CCDC34: variants seen among roughly 807,000 people sequenced by gnomAD.
The protein encoded by CCDC34 is coiled-coil domain-containing protein 34.
CCDC34 carries 40 observed loss-of-function variants against 44.1 expected under a neutral mutation model. The observed-to-expected ratio is 0.91, with a 90% CI of 0.70 to 1.18. CCDC34 has a LOEUF of 1.18. Ranked by LOEUF, CCDC34 falls within the 50% of genes most tolerant of loss-of-function variation. CCDC34 has a pLI of 0.00. For missense variants in CCDC34, 466 were observed against 452.3 expected (o/e 1.03, Z -0.28); for synonymous variants, 159 against 158.2 (o/e 1.01, Z -0.04).
Position 27,363,120 on chromosome 11 carries a change from C to G in CCDC34, c.75G>C (p.Arg25Ser). 1.9e-6 allele frequency: 3 copies of G among 1,579,108 alleles called. No individual in the cohort carries two copies. Among genetic ancestry groups the G allele is most frequent in the Non-Finnish European group, 2.6e-6 (3 of 1,162,584 alleles). The change falls in exon 1 of 6, where the codon AGG (arginine) becomes AGC (serine). Residue 25 changes from arginine to serine, a missense_variant. By Grantham distance (110) the Arg-to-Ser change is moderately radical. Transcript: ENST00000328697. ...YAGFSADCRPRSRPSSDSCSV... is the reference protein window; with the variant it reads ...YAGFSADCRPSSRPSSDSCSV... ...AGCAGGAGTCCGAGGAGGGCCGAGACCTGGGTCTGCAGTCAGCAGAGAAAC... is the reference window on the plus strand; with the variant it reads ...AGCAGGAGTCCGAGGAGGGCCGAGAGCTGGGTCTGCAGTCAGCAGAGAAAC...
intron 3 of CCDC34, chr11:27,349,944 C>T: frequency 1.9e-6 from 2 of 1,064,128 alleles, no homozygotes; most frequent in Non-Finnish European, 1.1e-6. Flanking sequence ...CTAATTAAGC[C>T]TTGATGACCG....
chr11:27,357,568 T>G (rs1565062528), intron 1 of CCDC34, 27 bp from the exon 2 acceptor site: 1 of 1,602,750 alleles, frequency 6.2e-7, no homozygotes, highest in East Asian at 2.2e-5. Context: ...ACTATAGTAC[T>G]TGTACAAGAA....
At chr11:27,357,603 C>A in intron 1 of CCDC34, 62 bp from the exon 2 acceptor site, 1 of 1,531,382 alleles carries the variant, frequency 6.5e-7, no homozygotes, top group Non-Finnish European at 8.9e-7. Flanking sequence ...TAGTCCAAAT[C>A]ACTTAACTGT....
At chr11:27,354,865 C>A (rs954543137) in intron 2 of CCDC34, among the ~76,000 whole-genome samples, 2 of 152,036 alleles carry the variant, frequency 1.3e-5, no homozygotes, top group Non-Finnish European at 2.9e-5. Flanking sequence ...TCTCAAAAAA[C>A]GAAAACAAAA....
chr11:27,357,578 A>C, intron 1 of CCDC34, 37 bp from the exon 2 acceptor site: 7 of 1,595,118 alleles, frequency 4.4e-6, no homozygotes, highest in Non-Finnish European at 6.0e-6. Flanking sequence ...TTGTACAAGA[A>C]CCTCTTTTGC....
intron 3 of CCDC34, among the ~76,000 whole-genome samples, chr11:27,348,297 T>C (rs959547892): frequency 1.3e-5 from 2 of 152,248 alleles, no homozygotes; most frequent in African/African-American, 4.8e-5. Flanking sequence ...ATATACCTTG[T>C]TGATCTGAAT....
At chr11:27,357,935 T>C (rs1041706289) in intron 1 of CCDC34, among the ~76,000 whole-genome samples, 2 of 152,180 alleles carry the variant, frequency 1.3e-5, no homozygotes, top group African/African-American at 4.8e-5. Context: ...TTCCCGCCCT[T>C]AAGTAGTTCA....
chr11:27,341,671 T>C (rs117351395), intron 3 of CCDC34, 121 bp from the exon 4 acceptor site: 22,638 of 523,220 alleles, frequency 0.043, 606 homozygotes, highest in Non-Finnish European at 0.057. Context: ...CATGATATCA[T>C]GGCAGTTGGC....
intron 5 of CCDC34, among the ~76,000 whole-genome samples, chr11:27,340,016 C>G (rs898063871): frequency 6.6e-6 from 1 of 151,776 alleles, no homozygotes; most frequent in Non-Finnish European, 1.5e-5. Flanking sequence ...ATCCTGACAG[C>G]AGGAATGTGT....
chr11:27,354,139 A>G (rs1482929037), intron 2 of CCDC34, among the ~76,000 whole-genome samples: 2 of 152,230 alleles, frequency 1.3e-5, no homozygotes, highest in Non-Finnish European at 2.9e-5. Context: ...TAGTTGGCCT[A>G]TATGTTAGGA....
intron 3 of CCDC34, among the ~76,000 whole-genome samples, chr11:27,346,998 T>C (rs1862444175): frequency 6.6e-6 from 1 of 152,172 alleles, no homozygotes; most frequent in South Asian, 2.1e-4. Context: ...TTTATCTTGA[T>C]TTCCAGTCTC....
intron 4 of CCDC34, 40 bp downstream of exon 4, chr11:27,341,352 C>T (rs1292373676): frequency 1.6e-6 from 2 of 1,270,702 alleles, no homozygotes; most frequent in Non-Finnish European, 2.2e-6. Flanking sequence ...ATATGAACAC[C>T]AAAGTTATGT....
In CCDC34 at chr11:27,341,456, T is replaced by C; in HGVS notation, c.701A>G (p.Glu234Gly). 6.8e-7 allele frequency: 1 copy of C among 1,464,070 alleles called. No homozygotes were observed. Among genetic ancestry groups the C allele is most frequent in the African/African-American group, 1.4e-5 (1 of 70,852 alleles). The allele number at this position is 1,464,070 out of a possible 1,614,324, so 90.7% of individuals were successfully genotyped here. A position where few individuals can be genotyped will look rare whatever the true frequency, so the allele number is the denominator to read the frequency against. ...TTTCTTTAACCATTCTTGATATTTT[T>C]CTTTTGCTTTTTCTTGCAAGTATTC... ...EKEYLQEKAK[E>G]KYQEWLKKKN... is the part of the protein sequence containing the mutation. Residue 234 changes from glutamate to glycine, a missense_variant, in exon 4 of 6, where the codon GAA becomes GGA. Glu to Gly is a moderately conservative substitution (Grantham distance 98, BLOSUM62 -2). Transcript: ENST00000328697.
At position 27,341,452 on chromosome 11, in the gene CCDC34, T is replaced by C. The variant is rs1252919810; in HGVS notation, c.705A>G (p.Lys235=). The change falls in exon 4 of 6, where the codon AAA becomes AAG. Residue 235 remains lysine (K), a synonymous_variant. Coordinates refer to ENST00000328697, the MANE Select transcript of CCDC34 (RefSeq NM_030771.2). ...TTTTTTTCTTTAACCATTCTTGATA[T>C]TTTTCTTTTGCTTTTTCTTGCAAGT... ...KEYLQEKAKE[K]YQEWLKKKNA... 4.1e-6 allele frequency: 6 copies of C among 1,466,492 alleles called. No homozygotes were observed. The highest frequency in any genetic ancestry group is 5.5e-6 in the Non-Finnish European group (6 of 1,083,478). 90.8% of individuals were successfully genotyped at this position (1,466,492 alleles called of 1,614,324 possible).
rs773903914 is a variant in CCDC34 at position 27,362,985 on chromosome 11, A to T, written c.210T>A (p.Leu70=). Residue 70 remains leucine (L), a synonymous_variant, in exon 1 of 6, where the codon CTT becomes CTA. Transcript: ENST00000328697. Reference sequence around the variant, plus strand: ...CGTCAAACTGGAAGCTCTGGTGGCCAAGGGGAGACAACAGCGACCTGGTGG... The same window carrying T: ...CGTCAAACTGGAAGCTCTGGTGGCCTAGGGGAGACAACAGCGACCTGGTGG... ...SNSTRSLLSP[L]GHQSFQFDED... The T allele has an allele frequency of 8.7e-6, 14 of 1,614,138 alleles. No individual in the cohort carries two copies. The highest frequency in any genetic ancestry group is 1.1e-5 in the Non-Finnish European group (13 of 1,180,012).
At chr11:27,356,842 A>T (rs1012651920) in intron 2 of CCDC34, among the ~76,000 whole-genome samples, 2 of 129,726 alleles carry the variant, frequency 1.5e-5, no homozygotes, top group African/African-American at 5.9e-5. Context: ...CACATAGGGC[A>T]CATGCTCACT....
At chr11:27,354,067 G>T (rs1862538749) in intron 2 of CCDC34, among the ~76,000 whole-genome samples, 1 of 152,096 alleles carries the variant, frequency 6.6e-6, no homozygotes, top group Non-Finnish European at 1.5e-5. Context: ...CAAAATAAAG[G>T]AAAAGGCAGT....
chr11:27,338,911 C>T lies in CCDC34; in HGVS notation c.1032G>A (p.Val344=), dbSNP rs1862315862. Residue 344 remains valine (V), a synonymous_variant, in exon 6 of 6, where the codon GTG becomes GTA. Coordinates refer to ENST00000328697, the MANE Select transcript of CCDC34 (RefSeq NM_030771.2). ...ATGATGACTTGTGTGGCTGACTTAT[C>T]ACAGGTCTTTTACTCTTCCTTCCTG... ...DLSGRKSKRP[V]ISQPHKSSSL... The T allele has an allele frequency of 6.2e-7, 1 of 1,613,818 alleles. No individual in the cohort carries two copies. The highest frequency in any genetic ancestry group is 8.5e-7 in the Non-Finnish European group (1 of 1,179,874).
At chr11:27,357,296 G>T (rs1195011985) in intron 2 of CCDC34, 107 bp downstream of exon 2, 6 of 1,078,792 alleles carry the variant, frequency 5.6e-6, no homozygotes, top group African/African-American at 1.6e-5. Flanking sequence ...TAACATAAAT[G>T]CAAAGACTTT....
Sources: gnomAD v4.1 joint callset for allele counts (sites outside exome capture counted in the v4.1 genomes callset) on GRCh38, gnomAD v4.1.1 for gene constraint, MANE v1.5 for transcripts, NCBI Gene and HGNC (gene_info 2026-07-23, HGNC 2026-07-21) for gene names.